Variants in RIT2 observed in about 807,000 individuals in gnomAD.
The protein encoded by RIT2 is GTP-binding protein Rit2.
A neutral mutation model predicts 23.7 loss-of-function variants in RIT2; 24 were observed. The observed-to-expected ratio is 1.01, with a 90% CI of 0.73 to 1.43. RIT2 has a LOEUF of 1.43. Ranked by LOEUF, RIT2 falls within the 40% of genes most tolerant of loss-of-function variation. RIT2 has a pLI of 0.00. For synonymous variants in RIT2, 107 were observed against 91.1 expected (o/e 1.17, Z -0.99); for missense variants, 236 against 266.9 (o/e 0.88, Z 0.81).
intron 4 of RIT2, among the ~76,000 whole-genome samples, chr18:42,794,720 G>A (rs1234452483): frequency 3.3e-5 from 5 of 152,234 alleles, no homozygotes; most frequent in African/African-American, 1.2e-4. Flanking sequence ...ATTATTGTAT[G>A]GTGCACGTTT....
At chr18:42,754,831 G>A (rs568375290) in intron 4 of RIT2, among the ~76,000 whole-genome samples, 2 of 152,284 alleles carry the variant, frequency 1.3e-5, no homozygotes, top group South Asian at 4.1e-4. Flanking sequence ...ATTATAATGA[G>A]TTCATAAAAC....
chr18:42,981,223 A>G (rs1044653927), intron 2 of RIT2, among the ~76,000 whole-genome samples: 1 of 152,150 alleles, frequency 6.6e-6, no homozygotes, highest in Non-Finnish European at 1.5e-5. Flanking sequence ...CACCTCAAAA[A>G]TACCCTTGAA....
intron 1 of RIT2, among the ~76,000 whole-genome samples, chr18:43,051,713 T>C (rs1912388617): frequency 6.6e-6 from 1 of 152,198 alleles, no homozygotes; most frequent in Non-Finnish European, 1.5e-5. Context: ...TATTAAGTAC[T>C]TGCTATATGC....
intron 3 of RIT2, among the ~76,000 whole-genome samples, chr18:42,959,262 C>G (rs974800337): frequency 2.0e-5 from 3 of 152,122 alleles, no homozygotes; most frequent in Admixed American, 1.3e-4. Flanking sequence ...ATTTTAATTG[C>G]TAGAGCTAAA....
At chr18:43,015,920 G>C (rs1236947345) in intron 2 of RIT2, among the ~76,000 whole-genome samples, 2 of 151,882 alleles carry the variant, frequency 1.3e-5, no homozygotes, top group East Asian at 3.9e-4. Context: ...GCTGATACTT[G>C]TAACCCCTGT....
rs183222445 is a variant in RIT2 at position 42,858,558 on chromosome 18, C to T, written c.426+65014G>A. Reference sequence around the variant, plus strand: ...AAAAGATGTATTGGAATGTAATTAACATACCATAAAATTGACCCACTTAAA... The same window carrying T: ...AAAAGATGTATTGGAATGTAATTAATATACCATAAAATTGACCCACTTAAA... On this transcript the variant is annotated intron_variant, in intron 4 of 4. Transcript: ENST00000326695. Among the ~76,000 whole-genome samples the T allele has an allele frequency of 6.4e-3, 968 of 152,314 alleles. 6 individuals carry two copies. The highest frequency in any genetic ancestry group is 0.01 in the Non-Finnish European group (691 of 68,028).
At chr18:42,885,494 G>A (rs1319542065) in intron 4 of RIT2, among the ~76,000 whole-genome samples, 2 of 152,152 alleles carry the variant, frequency 1.3e-5, no homozygotes, top group Admixed American at 1.3e-4. Context: ...GCTGAGTCAG[G>A]AGAATGGCGT....
chr18:42,950,293 G>A (rs982319226), intron 3 of RIT2, among the ~76,000 whole-genome samples: 3 of 151,966 alleles, frequency 2.0e-5, no homozygotes, highest in African/African-American at 7.3e-5. Flanking sequence ...TAAACAATGG[G>A]GAATGGACTC....
intron 4 of RIT2, among the ~76,000 whole-genome samples, chr18:42,849,300 G>A (rs567618619): frequency 5.9e-5 from 9 of 152,146 alleles, no homozygotes; most frequent in South Asian, 2.1e-4. Context: ...CCTAAATCTC[G>A]TCATACATGT....
At chr18:42,761,438 T>C (rs529421440) in intron 4 of RIT2, among the ~76,000 whole-genome samples, 2 of 152,330 alleles carry the variant, frequency 1.3e-5, no homozygotes, top group African/African-American at 4.8e-5. Flanking sequence ...CAAAGGTAAC[T>C]TTCATGGACA....
intron 2 of RIT2, among the ~76,000 whole-genome samples, chr18:43,031,026 G>A (rs745348396): frequency 6.6e-6 from 1 of 151,850 alleles, no homozygotes; most frequent in African/African-American, 2.4e-5. Context: ...AAGATCTGGT[G>A]CCTGGTAATG....
At chr18:42,982,017 G>T (rs1255667807) in intron 2 of RIT2, among the ~76,000 whole-genome samples, 1 of 152,164 alleles carries the variant, frequency 6.6e-6, no homozygotes, top group Middle Eastern at 3.2e-3. Flanking sequence ...AATCCATGAT[G>T]GGTCACTACC....
At chr18:42,878,290 TATATA>T (rs929944047) in intron 4 of RIT2, among the ~76,000 whole-genome samples, 14 of 151,522 alleles carry the variant, frequency 9.2e-5, no homozygotes, top group Non-Finnish European at 1.6e-4. Context: ...TTGTATGTTA[TATATA>T]ATATATTGTA....
intron 4 of RIT2, among the ~76,000 whole-genome samples, chr18:42,758,417 C>A (rs1913216107): frequency 6.6e-6 from 1 of 151,990 alleles, no homozygotes; most frequent in Admixed American, 6.6e-5. Context: ...TATTTGACAA[C>A]TTGCCTAGTC....
intron 1 of RIT2, among the ~76,000 whole-genome samples, chr18:43,041,106 C>A (rs894862950): frequency 2.0e-5 from 3 of 152,016 alleles, no homozygotes; most frequent in Non-Finnish European, 2.9e-5. Context: ...TTCAGGTTAA[C>A]TATGTGGTCA....
chr18:43,078,702 C>T (rs57485356), intron 1 of RIT2, among the ~76,000 whole-genome samples: 27,516 of 152,100 alleles, frequency 0.18, 3,143 homozygotes, highest in East Asian at 0.55. Context: ...CCCAGACTCC[C>T]GCTTCCCGGG....
At chr18:42,749,096 T>C (rs556290830) in intron 4 of RIT2, among the ~76,000 whole-genome samples, 37 of 151,942 alleles carry the variant, frequency 2.4e-4, no homozygotes, top group African/African-American at 7.5e-4. Context: ...TATCCTAAAG[T>C]GAATCTCAAA....
intron 2 of RIT2, among the ~76,000 whole-genome samples, chr18:43,013,496 T>C (rs1911400246): frequency 6.6e-6 from 1 of 151,752 alleles, no homozygotes; most frequent in Non-Finnish European, 1.5e-5. Flanking sequence ...TCCTAGTATT[T>C]ATAGATGAGC....
rs540194847 is a variant in RIT2, at chr18:42,805,993, T to C, written c.427-62273A>G. Reference sequence around the variant, plus strand: ...CACCATTTAACGACACAAGTACTTGTTCTCAAGTACTTTGCACTTCATGTC... The same window carrying C: ...CACCATTTAACGACACAAGTACTTGCTCTCAAGTACTTTGCACTTCATGTC... On this transcript the variant is annotated intron_variant, in intron 4 of 4. Transcript: ENST00000326695. Among the ~76,000 whole-genome samples, 6 of 151,836 alleles carry C rather than the reference T, an allele frequency of 4.0e-5. No individual in the cohort carries two copies. The East Asian group carries it at 7.7e-4, about 20-fold the overall frequency.
Sources: allele counts gnomAD v4.1 joint callset (sites outside exome capture counted in the v4.1 genomes callset), GRCh38; gene constraint gnomAD v4.1.1; transcripts MANE v1.5; gene names NCBI Gene and HGNC (gene_info 2026-07-23, HGNC 2026-07-21).